Variants in MAST4 observed in about 807,000 individuals in gnomAD.
MAST4 encodes microtubule-associated serine/threonine-protein kinase 4.
A neutral mutation model predicts 162.7 loss-of-function variants in MAST4; 89 were observed. That is an observed-to-expected ratio of 0.55 (90% CI 0.46 to 0.65). The LOEUF (loss-of-function observed/expected upper bound fraction) is 0.65, where lower values mean the gene tolerates loss of function less well. MAST4 is among the 30% of genes least tolerant of loss of function. The probability of loss-of-function intolerance (pLI) is 0.00; values close to 1 mark genes in which losing one functional copy is unlikely to be tolerated. For missense variants in MAST4, 3,153 were observed against 3,374.0 expected (o/e 0.93, Z 1.62); for synonymous variants, 1,479 against 1,361.1 (o/e 1.09, Z -1.91).
At chr5:66,778,102 G>A (rs756632649) in intron 2 of MAST4, among the ~76,000 whole-genome samples, 4 of 152,114 alleles carry the variant, frequency 2.6e-5, no homozygotes, top group East Asian at 1.9e-4. Context: ...TCTGGGTGCC[G>A]TCACGCAGGC....
At position 67,166,611 on chromosome 5, in the gene MAST4, G is replaced by T; in HGVS notation, c.7432G>T (p.Ala2478Ser). ...GGCCGGAGTTAGAGAGGCCTCTGCA[G>T]CCAGCAGCGACACCTCTTCTGCCAA... Reference protein sequence around the residue: ...TRAGVREASAASSDTSSAKAA... With the variant: ...TRAGVREASASSSDTSSAKAA... Residue 2478 changes from alanine (A) to serine (S), a missense_variant, in exon 29 of 29, where the codon GCC becomes TCC. By Grantham distance (99) the Ala-to-Ser change is moderately conservative. Around this residue, in one of 7 missense-constraint regions of MAST4, gnomAD observed 1,644 missense variants for 1,495.0 expected, o/e 1.10. Coordinates refer to ENST00000403625, the MANE Select transcript of MAST4 (RefSeq NM_001164664.2). The T allele has an allele frequency of 6.2e-7, 1 of 1,600,878 alleles. No homozygotes were observed. Among genetic ancestry groups the T allele is most frequent in the South Asian group, 1.1e-5 (1 of 88,624 alleles).
At chr5:67,062,617 A>G (rs919302436) in intron 5 of MAST4, among the ~76,000 whole-genome samples, 1 of 152,242 alleles carries the variant, frequency 6.6e-6, no homozygotes, top group African/African-American at 2.4e-5. Flanking sequence ...CAAGACAAAT[A>G]GTTCCCTTGC....
chr5:66,877,990 T>A (rs25835), intron 3 of MAST4, among the ~76,000 whole-genome samples: 43,545 of 152,158 alleles, frequency 0.29, 6,441 homozygotes, highest in East Asian at 0.53. Context: ...TACAGTCAGT[T>A]GCTTCTGTTA....
intron 5 of MAST4, among the ~76,000 whole-genome samples, chr5:67,078,865 T>A (rs6877944): frequency 8.9e-6 from 1 of 112,590 alleles, no homozygotes; most frequent in Non-Finnish European, 1.7e-5. Context: ...TTTATATAAA[T>A]ATATATTTAT....
intron 1 of MAST4, among the ~76,000 whole-genome samples, chr5:66,728,666 C>T (rs1042233247): frequency 1.3e-5 from 2 of 152,208 alleles, no homozygotes; most frequent in Middle Eastern, 3.4e-3. Context: ...TAAAAGTCTA[C>T]GGAGAAAGGT....
intron 3 of MAST4, among the ~76,000 whole-genome samples, chr5:66,800,211 T>A (rs982956951): frequency 6.6e-6 from 1 of 152,168 alleles, no homozygotes; most frequent in African/African-American, 2.4e-5. Flanking sequence ...AAATTAGAAG[T>A]TATGGGGGAA....
intron 1 of MAST4, among the ~76,000 whole-genome samples, chr5:66,682,313 T>C (rs1427990785): frequency 1.3e-5 from 2 of 152,194 alleles, no homozygotes; most frequent in South Asian, 2.1e-4. Context: ...GAATACAAAT[T>C]GTAGTTTACG....
rs1741966055 is a variant in MAST4, at chr5:66,929,686, A to C, written c.674+29704A>C. Among the ~76,000 whole-genome samples the C allele has an allele frequency of 3.3e-5, 5 of 152,228 alleles. No individual in the cohort carries two copies. In the South Asian group the frequency reaches 1.0e-3, roughly 31 times the overall value. On this transcript the variant is annotated intron_variant, in intron 4 of 28. Coordinates refer to ENST00000403625, the MANE Select transcript of MAST4 (RefSeq NM_001164664.2). ...ATCTGCTGGCTGATGAGATGTAAGC[A>C]GAGGGAATTAAATTCAAGGGATAGA...
intron 5 of MAST4, among the ~76,000 whole-genome samples, chr5:67,058,016 G>A (rs1458177219): frequency 6.6e-6 from 1 of 151,722 alleles, no homozygotes; most frequent in Non-Finnish European, 1.5e-5. Context: ...GAGGCAGGAG[G>A]ATTGCTTGAG....
chr5:67,061,164 G>T (rs1355682943), intron 5 of MAST4, among the ~76,000 whole-genome samples: 1 of 152,052 alleles, frequency 6.6e-6, no homozygotes, highest in African/African-American at 2.4e-5. Flanking sequence ...TACTCTGTGT[G>T]TGTGTGTGTG....
intron 3 of MAST4, among the ~76,000 whole-genome samples, chr5:66,817,420 G>C (rs1756784823): frequency 6.6e-6 from 1 of 152,148 alleles, no homozygotes; most frequent in Admixed American, 6.5e-5. Flanking sequence ...GTTCTGTTGT[G>C]TGGTATTAGC....
intron 4 of MAST4, among the ~76,000 whole-genome samples, chr5:67,043,264 C>T (rs1756982470): frequency 6.6e-6 from 1 of 152,112 alleles, no homozygotes; most frequent in African/African-American, 2.4e-5. Flanking sequence ...GATTTAATTT[C>T]TGTATAGAGA....
chr5:66,981,368 AT>A (rs1229107757), intron 4 of MAST4, among the ~76,000 whole-genome samples: 2 of 152,226 alleles, frequency 1.3e-5, no homozygotes, highest in Non-Finnish European at 2.9e-5. Context: ...GGAATGGCTA[AT>A]AATAGATACT....
chr5:66,805,338 T>A (rs1756134730), intron 3 of MAST4, among the ~76,000 whole-genome samples: 1 of 152,230 alleles, frequency 6.6e-6, no homozygotes, highest in Middle Eastern at 3.2e-3. Context: ...CTTCCTGTAT[T>A]TGTGTCACAT....
intron 1 of MAST4, among the ~76,000 whole-genome samples, chr5:66,727,988 G>A (rs1296889703): frequency 3.3e-5 from 5 of 151,990 alleles, no homozygotes; most frequent in Non-Finnish European, 7.4e-5. Context: ...AACCATTGTT[G>A]GTTTTCTCTG....
chr5:67,121,616 G>A (rs115865382), intron 14 of MAST4, among the ~76,000 whole-genome samples: 10 of 151,412 alleles, frequency 6.6e-5, no homozygotes, highest in Non-Finnish European at 1.5e-4. Context: ...GGCCACACTG[G>A]GAGAAGAACT....
chr5:67,165,894 G>C lies in MAST4; in HGVS notation c.6715G>C (p.Gly2239Arg), dbSNP rs1393643522. Reference sequence around the variant, plus strand: ...GTCCCTCGGTGGCTCTAGCAGAGAGGGGAAGGGCCACAGTAAGAGTGGGCC... The same window carrying C: ...GTCCCTCGGTGGCTCTAGCAGAGAGCGGAAGGGCCACAGTAAGAGTGGGCC... ...TQSLGGSSRE[G>R]KGHSKSGPDV... The change falls in exon 29 of 29, where the codon GGG becomes CGG. Residue 2239 changes from glycine (G) to arginine (R), a missense_variant. Gly to Arg is a moderately radical substitution (Grantham distance 125). Coordinates refer to ENST00000403625, the MANE Select transcript of MAST4 (RefSeq NM_001164664.2). 11 of 1,613,364 alleles carry C rather than the reference G, an allele frequency of 6.8e-6. No individual in the cohort carries two copies. Among genetic ancestry groups the C allele is most frequent in the Non-Finnish European group, 9.3e-6 (11 of 1,179,882 alleles).
chr5:67,135,187 C>T (rs1027818106), intron 18 of MAST4, among the ~76,000 whole-genome samples: 1 of 152,196 alleles, frequency 6.6e-6, no homozygotes, highest in Non-Finnish European at 1.5e-5. Context: ...GTTGAATCCA[C>T]AGATTGTTAA....
intron 3 of MAST4, among the ~76,000 whole-genome samples, chr5:66,809,292 G>A (rs980940738): frequency 2.0e-5 from 3 of 152,220 alleles, no homozygotes; most frequent in African/African-American, 7.2e-5. Flanking sequence ...AATTAGAAAT[G>A]TTCTTGCCAC....
Sources: gnomAD v4.1 joint callset for allele counts (sites outside exome capture counted in the v4.1 genomes callset) on GRCh38, gnomAD v4.1.1 for gene constraint, gnomAD v4.1.1 regional missense constraint, MANE v1.5 for transcripts, NCBI Gene and HGNC (gene_info 2026-07-23, HGNC 2026-07-21) for gene names.